TFDP2: variants seen among roughly 807,000 people sequenced by gnomAD.
The protein encoded by TFDP2 is transcription factor Dp-2 (E2F dimerization partner 2).
Under a neutral mutation model 59.3 loss-of-function variants are expected in TFDP2, and 17 were observed. The ratio of observed to expected loss-of-function variants is 0.29; its 90% CI spans 0.20 to 0.43. The LOEUF (loss-of-function observed/expected upper bound fraction) is 0.43. Ranked by LOEUF, TFDP2 falls within the 20% of genes least tolerant of loss-of-function variation. TFDP2 has a pLI of 1.00. For synonymous variants in TFDP2, 180 were observed against 194.7 expected, an observed-to-expected ratio of 0.92 and a Z score of 0.63; for missense variants, 391 against 528.8, an observed-to-expected ratio of 0.74 and a Z score of 2.56.
At chr3:142,109,087 G>A (rs1032818445) in intron 1 of TFDP2, among the ~76,000 whole-genome samples, 6 of 152,136 alleles carry the variant, frequency 3.9e-5, no homozygotes, top group African/African-American at 1.2e-4. Flanking sequence ...GTCTGTCTCT[G>A]CCAACTAAAG....
intron 9 of TFDP2, among the ~76,000 whole-genome samples, chr3:141,968,937 CATAT>C (rs1231726644): frequency 1.1e-5 from 1 of 93,544 alleles, no homozygotes; most frequent in Admixed American, 1.4e-4. Flanking sequence ...ATATATATCT[CATAT>C]ATATAGATAT....
intron 3 of TFDP2, among the ~76,000 whole-genome samples, chr3:142,045,252 C>T (rs1016390170): frequency 2.6e-5 from 4 of 151,722 alleles, no homozygotes; most frequent in East Asian, 1.9e-4. Flanking sequence ...CTCTGCCTCC[C>T]GGGTTCAAGT....
At chr3:142,059,665 T>C (rs572864212) in intron 3 of TFDP2, among the ~76,000 whole-genome samples, 2 of 152,152 alleles carry the variant, frequency 1.3e-5, no homozygotes, top group African/African-American at 4.8e-5. Context: ...CTGCAATCTC[T>C]GCCTCCCAGG....
intron 6 of TFDP2, among the ~76,000 whole-genome samples, chr3:141,983,433 T>TA (rs756724576): frequency 1.2e-4 from 18 of 151,958 alleles, no homozygotes; most frequent in Non-Finnish European, 2.2e-4. Context: ...GGTCAGGAGT[T>TA]AGAGACCAGC....
intron 4 of TFDP2, among the ~76,000 whole-genome samples, chr3:142,003,764 C>T (rs914796260): frequency 2.0e-5 from 3 of 152,124 alleles, no homozygotes; most frequent in African/African-American, 4.8e-5. Flanking sequence ...CTGAGATTTA[C>T]AGTAACTGAG....
At position 141,970,099 on chromosome 3, in the gene TFDP2, C is replaced by T. The variant is rs1339695454; in HGVS notation, c.706G>A (p.Ala236Thr). 1.3e-5 allele frequency: 21 copies of T among 1,614,058 alleles called. No individual in the cohort carries two copies. The highest frequency in any genetic ancestry group is 1.6e-5 in the Non-Finnish European group (19 of 1,180,032). ...RRIERIKQKR[A>T]QLQELLLQQI... ...TGTAGGAGAAGTTCTTGCAGCTGGG[C>T]CCGCTTCTGCTTTATCCGTTCTATC... The change falls in exon 9 of 13, where the codon GCC becomes ACC. Residue 236 changes from alanine to threonine, a missense_variant. Coordinates refer to ENST00000489671, the MANE Select transcript of TFDP2 (RefSeq NM_001178139.2).
chr3:141,977,119 TTTTTTTTTTCC>T (rs1398797454), intron 7 of TFDP2, among the ~76,000 whole-genome samples: 18 of 123,386 alleles, frequency 1.5e-4, no homozygotes, highest in African/African-American at 5.4e-4. Flanking sequence ...TTTTTTTTTT[TTTTTTTTTTCC>T]CCCCAAAGAG....
At chr3:142,019,728 TA>T (rs1488719557) in intron 3 of TFDP2, among the ~76,000 whole-genome samples, 2 of 151,968 alleles carry the variant, frequency 1.3e-5, no homozygotes, top group Non-Finnish European at 2.9e-5. Flanking sequence ...AGTTATCTGA[TA>T]TAAGAAGTGA....
Position 142,101,784 on chromosome 3 carries a change from C to A in TFDP2, c.-35G>T. 2.4e-6 allele frequency: 3 copies of A among 1,256,346 alleles called. No individual in the cohort carries two copies. Among genetic ancestry groups the A allele is most frequent in the Non-Finnish European group, 3.1e-6 (3 of 958,468 alleles). 77.8% of individuals were successfully genotyped at this position (1,256,346 alleles called of 1,614,324 possible). A position where few individuals can be genotyped will look rare whatever the true frequency, so the allele number is the denominator to read the frequency against. The stretch of plus-strand genomic sequence containing the variant: ...TATTCTATTTAAGATTCTGTAAAGC[C>A]ATTAAAAAAATAAAAAGAAAAAAAC... On this transcript the variant is annotated 5_prime_UTR_variant, in exon 2 of 13. The change abolishes an upstream ATG in the 5' untranslated region. Coordinates refer to ENST00000489671, the MANE Select transcript of TFDP2 (RefSeq NM_001178139.2).
chr3:141,944,779 A>C lies in TFDP2; in HGVS notation c.*7734T>G, dbSNP rs1448723563. 1 of 152,240 alleles carries C rather than the reference A, an allele frequency of 6.6e-6. No homozygotes were observed. The highest frequency in any genetic ancestry group is 2.4e-5 in the African/African-American group (1 of 41,458). The allele number at this position is 152,240 out of a possible 1,614,324, so 9.4% of individuals were successfully genotyped here. On this transcript the variant is annotated 3_prime_UTR_variant, in exon 13 of 13. Transcript: ENST00000489671. ...TATCTACCAGAAGCAATTTCAGAAA[A>C]TCAGGAGTAATTACGTATACAGAAA...
intron 3 of TFDP2, among the ~76,000 whole-genome samples, chr3:142,091,947 T>G (rs1420950269): frequency 1.3e-5 from 2 of 152,146 alleles, no homozygotes; most frequent in East Asian, 3.9e-4. Context: ...AGAGTACGTC[T>G]CCCACCTTAG....
At chr3:142,084,398 A>G (rs1289001790) in intron 3 of TFDP2, among the ~76,000 whole-genome samples, 4 of 152,274 alleles carry the variant, frequency 2.6e-5, no homozygotes, top group Admixed American at 2.6e-4. Flanking sequence ...TTAGTACACT[A>G]TGGAGAACAG....
intron 1 of TFDP2, among the ~76,000 whole-genome samples, chr3:142,124,230 T>C (rs1468434313): frequency 6.6e-6 from 1 of 152,174 alleles, no homozygotes; most frequent in Non-Finnish European, 1.5e-5. Flanking sequence ...TCCTTTTAAT[T>C]TGCTCAACTG....
intron 6 of TFDP2, among the ~76,000 whole-genome samples, chr3:141,982,678 T>C (rs1941616582): frequency 6.6e-6 from 1 of 152,198 alleles, no homozygotes; most frequent in African/African-American, 2.4e-5. Context: ...TTTGTAGTCA[T>C]ACCTGGATAA....
chr3:142,010,845 A>G (rs1328623855), intron 3 of TFDP2, among the ~76,000 whole-genome samples: 12 of 135,382 alleles, frequency 8.9e-5, no homozygotes, highest in Non-Finnish European at 3.2e-5. Context: ...AAAAATGCTC[A>G]TCATCACTGG....
intron 10 of TFDP2, 138 bp from the exon 11 acceptor site, chr3:141,959,978 T>G: frequency 1.4e-6 from 1 of 709,134 alleles, no homozygotes; most frequent in Non-Finnish European, 2.3e-6. Flanking sequence ...TAGAGAGCCA[T>G]GAGTCATTCT....
At chr3:141,973,123 A>ATATATTTTTTTTTTTTTTT in intron 8 of TFDP2, among the ~76,000 whole-genome samples, 3 of 58,024 alleles carry the variant, frequency 5.2e-5, no homozygotes, top group East Asian at 3.4e-4. Context: ...ATATATATAT[A>ATATATTTTTTTTTTTTTTT]TTTTTTTTTT....
chr3:141,966,906 G>T (rs1389336820), intron 9 of TFDP2, among the ~76,000 whole-genome samples: 3 of 137,074 alleles, frequency 2.2e-5, no homozygotes, highest in South Asian at 2.3e-4. Flanking sequence ...ACAGCAAATG[G>T]ATTACTTATT....
intron 3 of TFDP2, among the ~76,000 whole-genome samples, chr3:142,037,466 A>G (rs1946743252): frequency 6.6e-6 from 1 of 152,226 alleles, no homozygotes; most frequent in African/African-American, 2.4e-5. Context: ...GTATTATTTA[A>G]GCTGCAACCT....
Sources: gnomAD v4.1 joint callset for allele counts (sites outside exome capture counted in the v4.1 genomes callset) on GRCh38, gnomAD v4.1.1 for gene constraint, MANE v1.5 for transcripts, NCBI Gene and HGNC (gene_info 2026-07-23, HGNC 2026-07-21) for gene names.